ARID1B: variants seen among roughly 807,000 people sequenced by gnomAD.
ARID1B encodes the protein AT-rich interaction domain 1B.
A neutral mutation model predicts 212.3 loss-of-function variants in ARID1B; 30 were observed. The observed-to-expected ratio is 0.14, with a 90% CI of 0.11 to 0.19. ARID1B has a LOEUF of 0.19. Among genes scored for constraint, ARID1B ranks in the 10% least tolerant of loss-of-function variants. ARID1B has a pLI of 1.00. For missense variants in ARID1B, 2,891 were observed against 3,204.0 expected (o/e 0.90, Z 2.36); for synonymous variants, 1,402 against 1,301.7 (o/e 1.08, Z -1.66).
In ARID1B at chr6:157,148,468, T is replaced by C. The variant is rs540229627; in HGVS notation, c.2762-156T>C. ...CTGGGAGTGTGCAGAGAGAGCATGT[T>C]TGAGACTGGCAGCTGCACCAGCAGC... On this transcript the variant is annotated intron_variant, in intron 7 of 19. Transcript: ENST00000636930. The surrounding 1 kb of genome is among the most constrained non-coding windows in gnomAD (Gnocchi z 5.6). Among the ~76,000 whole-genome samples, 1 of 152,188 alleles carries C rather than the reference T, an allele frequency of 6.6e-6. No homozygotes were observed. The highest frequency in any genetic ancestry group is 2.4e-5 in the African/African-American group (1 of 41,438).
rs1192211899 is a variant in ARID1B at position 156,778,963 on chromosome 6, C to T, written c.1283C>T (p.Ala428Val). ...GGAGCTGTGGCGGCGGCGGCCGCGG[C>T]GGCGGCGGCAGCAGCAGGAGGCGGC... ...GAGAVAAAAA[A>V]AAAAAGGGGG... The change falls in exon 1 of 20, where the codon GCG becomes GTG. Residue 428 changes from alanine to valine, a missense_variant. Ala to Val is a moderately conservative substitution (Grantham distance 64). Coordinates refer to ENST00000636930, the MANE Select transcript of ARID1B (RefSeq NM_001374828.1). The T allele has an allele frequency of 1.7e-5, 22 of 1,282,548 alleles. No individual in the cohort carries two copies. In the East Asian group the frequency reaches 5.7e-4, roughly 33 times the overall value. 79.4% of individuals were successfully genotyped at this position (1,282,548 alleles called of 1,614,324 possible).
chr6:156,967,831 T>C (rs546152152), intron 4 of ARID1B, among the ~76,000 whole-genome samples: 2 of 152,238 alleles, frequency 1.3e-5, no homozygotes, highest in Admixed American at 6.5e-5. Context: ...CTGTGTATAT[T>C]GAAATTGGTG....
chr6:156,779,503 C>T (rs1353185150), intron 1 of ARID1B, 32 bp downstream of exon 1: 4 of 1,299,298 alleles, frequency 3.1e-6, no homozygotes, highest in South Asian at 4.1e-5. Flanking sequence ...CCTGCTTCCG[C>T]CCGGCGGCCT....
intron 10 of ARID1B, 91 bp from the exon 11 acceptor site, chr6:157,174,756 T>G: frequency 1.7e-6 from 1 of 581,060 alleles, no homozygotes; most frequent in Non-Finnish European, 2.6e-6. Flanking sequence ...TATAAAAAAA[T>G]TAGTTTGTTA....
intron 3 of ARID1B, among the ~76,000 whole-genome samples, chr6:156,920,179 C>G (rs1790668479): frequency 6.6e-6 from 1 of 152,246 alleles, no homozygotes; most frequent in Non-Finnish European, 1.5e-5. Context: ...CCCTTCACCT[C>G]CCTCCCCTTC....
At chr6:157,060,268 G>T (rs1011577889) in intron 4 of ARID1B, among the ~76,000 whole-genome samples, 1 of 152,168 alleles carries the variant, frequency 6.6e-6, no homozygotes, top group South Asian at 2.1e-4. Flanking sequence ...AAACCAATAC[G>T]ATGGTAAAGC....
At chr6:156,918,686 C>T (rs999818488) in intron 3 of ARID1B, among the ~76,000 whole-genome samples, 1 of 152,148 alleles carries the variant, frequency 6.6e-6, no homozygotes, top group Non-Finnish European at 1.5e-5. Flanking sequence ...TTCTGGGTCA[C>T]TTAGTGGCTG....
intron 4 of ARID1B, among the ~76,000 whole-genome samples, chr6:157,041,165 A>G (rs1256633204): frequency 1.3e-5 from 2 of 152,218 alleles, no homozygotes; most frequent in African/African-American, 4.8e-5. Flanking sequence ...CTATAGAAAA[A>G]TAAATCAGAA....
At chr6:157,077,882 G>C (rs1410480420) in intron 4 of ARID1B, among the ~76,000 whole-genome samples, 3 of 152,022 alleles carry the variant, frequency 2.0e-5, no homozygotes, top group Non-Finnish European at 2.9e-5. Context: ...CTTAGATAGG[G>C]CTTGCTTAAG....
intron 4 of ARID1B, among the ~76,000 whole-genome samples, chr6:156,977,805 T>C (rs1197937509): frequency 6.6e-6 from 1 of 152,206 alleles, no homozygotes; most frequent in African/African-American, 2.4e-5. Flanking sequence ...ATAAACATCC[T>C]TGAACTTTAG....
At chr6:156,821,426 A>G (rs1200707998) in intron 1 of ARID1B, among the ~76,000 whole-genome samples, 1 of 152,256 alleles carries the variant, frequency 6.6e-6, no homozygotes, top group Non-Finnish European at 1.5e-5. Context: ...GCTTACAGCG[A>G]TCTTCAAATA....
At chr6:157,004,737 G>T (rs998728458) in intron 4 of ARID1B, among the ~76,000 whole-genome samples, 2 of 152,036 alleles carry the variant, frequency 1.3e-5, no homozygotes, top group African/African-American at 4.8e-5. Context: ...CCGGTGTTAG[G>T]GGAGGGTGTT....
chr6:157,005,487 A>AT (rs1779197426), intron 4 of ARID1B, among the ~76,000 whole-genome samples: 1 of 152,100 alleles, frequency 6.6e-6, no homozygotes, highest in Non-Finnish European at 1.5e-5. Context: ...CAAAAGATTT[A>AT]TTTTTACCTA....
intron 1 of ARID1B, 164 bp downstream of exon 1, chr6:156,779,635 G>A: frequency 1.6e-6 from 1 of 627,214 alleles, no homozygotes; most frequent in Non-Finnish European, 2.1e-6. Flanking sequence ...GCCGCGGTCG[G>A]GGCGCCCCGG....
chr6:156,978,658 ATGT>A (rs1469264206), intron 4 of ARID1B, among the ~76,000 whole-genome samples: 1 of 152,154 alleles, frequency 6.6e-6, no homozygotes, highest in Non-Finnish European at 1.5e-5. Flanking sequence ...TATTTTTAGT[ATGT>A]TGTTTTGTTA....
At chr6:157,039,668 T>A (rs1305945901) in intron 4 of ARID1B, among the ~76,000 whole-genome samples, 6 of 98,320 alleles carry the variant, frequency 6.1e-5, no homozygotes, top group Non-Finnish European at 1.4e-4. Flanking sequence ...CTTCCTTCCT[T>A]CCTTCCTTCC....
At chr6:156,882,347 T>A (rs1370894157) in intron 2 of ARID1B, among the ~76,000 whole-genome samples, 1 of 152,216 alleles carries the variant, frequency 6.6e-6, no homozygotes, top group Non-Finnish European at 1.5e-5. Context: ...ATGGGCTCCC[T>A]CTCTTCTGCT....
At chr6:157,098,575 T>G (rs550345741) in intron 5 of ARID1B, among the ~76,000 whole-genome samples, 2 of 152,268 alleles carry the variant, frequency 1.3e-5, no homozygotes, top group Non-Finnish European at 2.9e-5. Context: ...TCGCAGATCC[T>G]CAAGATTCCC....
In ARID1B at chr6:157,203,592, A is replaced by G. The variant is rs1286147489; in HGVS notation, c.5264-274A>G. The G allele has an allele frequency of 1.0e-5, 4 of 396,870 alleles. No individual in the cohort carries two copies. The highest frequency in any genetic ancestry group is 4.0e-5 in the African/African-American group (2 of 49,662). The allele number at this position is 396,870 out of a possible 1,614,324, so 24.6% of individuals were successfully genotyped here. ...GAAAGAAATAACCCGGCCATGAGAA[A>G]GGACCATCTGTGCTCAACCACTCCA... On this transcript the variant is annotated intron_variant, in intron 18 of 19. Transcript: ENST00000636930. The surrounding 1 kb of genome is among the most constrained non-coding windows in gnomAD (Gnocchi z 4.4).
Sources: allele counts gnomAD v4.1 joint callset (sites outside exome capture counted in the v4.1 genomes callset), GRCh38; gene constraint gnomAD v4.1.1; non-coding constraint Gnocchi (gnomAD v3.1); transcripts MANE v1.5; gene names NCBI Gene and HGNC (gene_info 2026-07-23, HGNC 2026-07-21).